The following SLC24A3 variants were observed in gnomAD, a reference collection of about 807,000 sequenced individuals.
The protein encoded by SLC24A3 is solute carrier family 24 member 3.
In SLC24A3, 28 loss-of-function variants were observed where a neutral mutation model predicts 75.8. That is an observed-to-expected ratio of 0.37 (90% CI 0.27 to 0.51). The LOEUF is 0.51. Ranked by LOEUF, SLC24A3 falls within the 20% of genes least tolerant of loss-of-function variation. SLC24A3 has a pLI of 0.94. For synonymous variants in SLC24A3, 372 were observed against 334.1 expected (o/e 1.11, Z -1.24); for missense variants, 663 against 847.8 (o/e 0.78, Z 2.71).
At chr20:19,300,313 C>A (rs2122245056) in intron 2 of SLC24A3, among the ~76,000 whole-genome samples, 1 of 152,280 alleles carries the variant, frequency 6.6e-6, no homozygotes, top group South Asian at 2.1e-4. Flanking sequence ...TTGAACCTGG[C>A]TGCCATGTTG....
chr20:19,567,189 G>A (rs1343048617), intron 3 of SLC24A3, among the ~76,000 whole-genome samples: 1 of 152,144 alleles, frequency 6.6e-6, no homozygotes, highest in Non-Finnish European at 1.5e-5. Context: ...TAGTTCACAA[G>A]TGGTCCAAAA....
chr20:19,502,655 AAACTC>A (rs1988401086), intron 2 of SLC24A3, among the ~76,000 whole-genome samples: 1 of 152,042 alleles, frequency 6.6e-6, no homozygotes, highest in Non-Finnish European at 1.5e-5. Context: ...TATTAGAACA[AAACTC>A]AACACTGTTC....
chr20:19,405,255 T>C (rs546652236), intron 2 of SLC24A3, among the ~76,000 whole-genome samples: 1 of 152,116 alleles, frequency 6.6e-6, no homozygotes, highest in South Asian at 2.1e-4. Flanking sequence ...GAGTGAGAGG[T>C]TAGTTGGCGT....
chr20:19,541,003 A>G (rs2030485928), intron 3 of SLC24A3, among the ~76,000 whole-genome samples: 1 of 152,224 alleles, frequency 6.6e-6, no homozygotes, highest in Non-Finnish European at 1.5e-5. Context: ...ACCCCGCACA[A>G]CAATCCTTGG....
At chr20:19,571,491 G>A (rs112511927) in intron 3 of SLC24A3, among the ~76,000 whole-genome samples, 202 of 152,254 alleles carry the variant, frequency 1.3e-3, no homozygotes, top group African/African-American at 4.7e-3. Context: ...ACAAAGGGGG[G>A]AAAGTAGAAT....
intron 2 of SLC24A3, among the ~76,000 whole-genome samples, chr20:19,512,444 T>G (rs2029900850): frequency 6.6e-6 from 1 of 152,224 alleles, no homozygotes; most frequent in Non-Finnish European, 1.5e-5. Flanking sequence ...GGGTCCCAGC[T>G]GGGGCCACCA....
chr20:19,652,444 A>C (rs1290200545), intron 6 of SLC24A3, among the ~76,000 whole-genome samples: 3 of 152,250 alleles, frequency 2.0e-5, no homozygotes, highest in African/African-American at 7.2e-5. Flanking sequence ...ATAAATGGTG[A>C]GTGATGACCA....
intron 6 of SLC24A3, among the ~76,000 whole-genome samples, chr20:19,638,588 A>T (rs937958451): frequency 6.6e-6 from 1 of 152,202 alleles, no homozygotes. Context: ...CATGCCAGGC[A>T]GTGTTCTAAA....
chr20:19,450,397 A>T (rs1987459710), intron 2 of SLC24A3, among the ~76,000 whole-genome samples: 2 of 152,144 alleles, frequency 1.3e-5, no homozygotes, highest in African/African-American at 4.8e-5. Flanking sequence ...AGCCCTGATC[A>T]TGAGACACTG....
Position 19,649,640 on chromosome 20 carries a change from T to G in SLC24A3, c.613-4422T>G, listed in dbSNP as rs780707009. Among the ~76,000 whole-genome samples the G allele has an allele frequency of 2.0e-5, 3 of 152,306 alleles. No individual in the cohort carries two copies. The East Asian group carries it at 5.8e-4, about 29-fold the overall frequency. On this transcript the variant is annotated intron_variant, in intron 6 of 16. Coordinates refer to ENST00000328041, the MANE Select transcript of SLC24A3 (RefSeq NM_020689.4). ...CTCTCAGCCTTCAACTATTCTCTTT[T>G]TTGGCTACAATTTCTATTATACCTG...
intron 15 of SLC24A3, among the ~76,000 whole-genome samples, chr20:19,699,213 G>C (rs544535334): frequency 3.3e-5 from 5 of 152,352 alleles, no homozygotes; most frequent in African/African-American, 1.2e-4. Flanking sequence ...CTACTTTAGT[G>C]TACTTAGACT....
At chr20:19,667,991 A>C (rs1344333867) in intron 8 of SLC24A3, among the ~76,000 whole-genome samples, 2 of 152,170 alleles carry the variant, frequency 1.3e-5, no homozygotes, top group Non-Finnish European at 2.9e-5. Flanking sequence ...CCATGGATAC[A>C]TGAGTTGCAA....
intron 6 of SLC24A3, among the ~76,000 whole-genome samples, chr20:19,606,553 T>C (rs1338119579): frequency 6.6e-6 from 1 of 152,240 alleles, no homozygotes; most frequent in Non-Finnish European, 1.5e-5. Context: ...GATATTCATC[T>C]GACTTTGATG....
intron 1 of SLC24A3, among the ~76,000 whole-genome samples, chr20:19,275,331 G>A (rs79508286): frequency 0.049 from 7,458 of 152,270 alleles, 260 homozygotes; most frequent in Non-Finnish European, 0.075. Flanking sequence ...GATGGTATAG[G>A]AAGGGTGCTT....
chr20:19,398,516 G>A (rs1248472913), intron 2 of SLC24A3, among the ~76,000 whole-genome samples: 1 of 151,868 alleles, frequency 6.6e-6, no homozygotes, highest in Non-Finnish European at 1.5e-5. Flanking sequence ...ATAGATTTTT[G>A]CATTTTGATT....
intron 6 of SLC24A3, among the ~76,000 whole-genome samples, chr20:19,604,173 C>T: frequency 6.6e-6 from 1 of 152,082 alleles, no homozygotes; most frequent in East Asian, 1.9e-4. Context: ...AAAAATAAAC[C>T]AGCAAGGTAA....
intron 2 of SLC24A3, among the ~76,000 whole-genome samples, chr20:19,399,537 A>C (rs1986514253): frequency 6.6e-6 from 1 of 152,146 alleles, no homozygotes. Flanking sequence ...GTTTCCAAAT[A>C]TTTTGGAGAT....
At chr20:19,346,306 ATATATATATGG>A (rs1568595877) in intron 2 of SLC24A3, among the ~76,000 whole-genome samples, 1 of 118,960 alleles carries the variant, frequency 8.4e-6, no homozygotes, top group Non-Finnish European at 1.6e-5. Flanking sequence ...TATGGTGTAT[ATATATATATGG>A]TATATATATA....
chr20:19,357,860 T>G (rs1205327384), intron 2 of SLC24A3, among the ~76,000 whole-genome samples: 1 of 152,254 alleles, frequency 6.6e-6, no homozygotes, highest in Non-Finnish European at 1.5e-5. Flanking sequence ...CACACTGGAC[T>G]GGGAGGGGGT....
Sources: allele counts gnomAD v4.1 joint callset (sites outside exome capture counted in the v4.1 genomes callset), GRCh38; gene constraint gnomAD v4.1.1; transcripts MANE v1.5; gene names NCBI Gene and HGNC (gene_info 2026-07-23, HGNC 2026-07-21).